Variants in VWF observed in about 807,000 individuals in gnomAD.
The protein encoded by VWF is Factor VIII related antigen.
A neutral mutation model predicts 308.6 loss-of-function variants in VWF; 176 were observed. The observed-to-expected ratio is 0.57, with a 90% CI of 0.50 to 0.65. The LOEUF is 0.65. Among genes scored for constraint, VWF ranks in the 30% least tolerant of loss-of-function variants. The pLI, the probability that VWF is intolerant of heterozygous loss-of-function variation, is 0.00. For missense variants in VWF, 3,146 were observed against 3,648.2 expected, an observed-to-expected ratio of 0.86 and a Z score of 3.55; for synonymous variants, 1,385 against 1,443.4, an observed-to-expected ratio of 0.96 and a Z score of 0.92.
chr12:5,952,542 A>T (rs1036753116), intron 48 of VWF, 23 bp from the exon 49 acceptor site: 102 of 1,611,532 alleles, frequency 6.3e-5, no homozygotes, highest in Non-Finnish European at 8.3e-5. Flanking sequence ...AGGAGTGGGT[A>T]AAGTCAGAGA....
chr12:6,009,426 AACACACACACACACACACAC>A (rs3062550), intron 34 of VWF, among the ~76,000 whole-genome samples: 9 of 146,528 alleles, frequency 6.1e-5, no homozygotes, highest in Admixed American at 5.4e-4. Context: ...GCCATTATCA[AACACACACACACACACACAC>A]ACACACACAC....
chr12:6,056,659 A>T (rs1482847580), intron 15 of VWF, among the ~76,000 whole-genome samples, 198 bp downstream of exon 15: 1 of 152,172 alleles, frequency 6.6e-6, no homozygotes, highest in Non-Finnish European at 1.5e-5. Context: ...CCGAATCATC[A>T]GCCGGTCCCC....
At chr12:5,964,258 A>ACATGCATG (rs1314931823) in intron 47 of VWF, among the ~76,000 whole-genome samples, 3 of 146,090 alleles carry the variant, frequency 2.1e-5, no homozygotes, top group African/African-American at 8.4e-5. Flanking sequence ...ATGCATACAT[A>ACATGCATG]CATACATACA....
At chr12:6,121,030 C>G (rs1945425503) in intron 3 of VWF, 144 bp downstream of exon 3, 1 of 1,166,398 alleles carries the variant, frequency 8.6e-7, no homozygotes, top group African/African-American at 1.5e-5. Flanking sequence ...GGCTACGTGT[C>G]ACAGAAAGGC....
At chr12:6,025,029 A>AC (rs1386142412) in intron 24 of VWF, among the ~76,000 whole-genome samples, 21 of 141,776 alleles carry the variant, frequency 1.5e-4, no homozygotes, top group African/African-American at 5.9e-4. Context: ...TCTCAAAAAA[A>AC]AAAAAAAAAG....
chr12:6,089,686 G>A (rs771423567), intron 6 of VWF, among the ~76,000 whole-genome samples: 2 of 152,088 alleles, frequency 1.3e-5, no homozygotes, highest in Non-Finnish European at 2.9e-5. Context: ...TTTGTATTCC[G>A]AGGGTAGGGA....
chr12:6,108,628 T>C (rs1945270581), intron 5 of VWF, among the ~76,000 whole-genome samples: 1 of 151,740 alleles, frequency 6.6e-6, no homozygotes, highest in Admixed American at 6.6e-5. Context: ...TACAATTTTT[T>C]AACTAGGCCA....
intron 7 of VWF, among the ~76,000 whole-genome samples, chr12:6,074,051 C>G (rs1484787079): frequency 1.3e-5 from 2 of 152,172 alleles, no homozygotes; most frequent in Non-Finnish European, 2.9e-5. Context: ...ACCTAAAACC[C>G]TTTCAGAGTG....
chr12:6,106,662 G>A (rs1945247637), intron 5 of VWF, among the ~76,000 whole-genome samples: 1 of 152,020 alleles, frequency 6.6e-6, no homozygotes, highest in South Asian at 2.1e-4. Flanking sequence ...ATCACCTGAG[G>A]TCAGGAGTTC....
At chr12:5,985,380 T>G (rs1341073874) in intron 39 of VWF, among the ~76,000 whole-genome samples, 183 bp downstream of exon 39, 1 of 152,162 alleles carries the variant, frequency 6.6e-6, no homozygotes, top group Non-Finnish European at 1.5e-5. Context: ...CGACCCCAGG[T>G]GCAGAATGGG....
At chr12:6,025,022 CA>C (rs34547698) in intron 24 of VWF, among the ~76,000 whole-genome samples, 81,990 of 119,494 alleles carry the variant, frequency 0.69, 24,802 homozygotes, top group East Asian at 0.8. Context: ...GACTCTGTCT[CA>C]AAAAAAAAAA....
chr12:6,029,535 C>G (rs747818805), intron 21 of VWF, 47 bp from the exon 22 acceptor site: 1 of 1,610,642 alleles, frequency 6.2e-7, no homozygotes, highest in Non-Finnish European at 8.5e-7. Flanking sequence ...AGGGCAGGCT[C>G]GACAGCCAGA....
chr12:6,068,864 G>A (rs12227091), intron 10 of VWF, among the ~76,000 whole-genome samples: 1 of 123,804 alleles, frequency 8.1e-6, no homozygotes, highest in Non-Finnish European at 1.7e-5. Flanking sequence ...GTGTGTGTGT[G>A]TGTATGTGTG....
At position 5,994,030 on chromosome 12, in the gene VWF, AGAG is replaced by A. The variant is rs769453980; in HGVS notation, c.6427_6429del (p.Leu2144del). On this transcript the variant is annotated inframe_deletion, in exon 37 of 52. Transcript: ENST00000261405. ...TTGTGGCATTCAGCAAACAGTGGTA[AGAG>A]GAGGACCTGGCAGTGGGAGCTGTCG... The A allele has an allele frequency of 6.2e-7, 1 of 1,614,230 alleles. No homozygotes were observed. The highest frequency in any genetic ancestry group is 1.1e-5 in the South Asian group (1 of 91,080).
In VWF at chr12:6,092,648, T is replaced by A. The variant is rs534348129; in HGVS notation, c.657+2812A>T. Among the ~76,000 whole-genome samples the A allele has an allele frequency of 2.6e-3, 313 of 119,532 alleles. 6 individuals carry two copies. The highest frequency in any genetic ancestry group is 0.015 in the Middle Eastern group (4 of 270). The allele number at this position is 119,532 out of a possible 152,430, so 78.4% of individuals were successfully genotyped here. A position where few individuals can be genotyped will look rare whatever the true frequency, so the allele number is the denominator to read the frequency against. ...GTGTGTGTGTGTGTGTGTGTGTGTG[T>A]GTGTGTGTGTGTGTGTGTGTGTGTG... is the stretch of plus-strand genomic sequence containing the variant. On this transcript the variant is annotated intron_variant, in intron 6 of 51. Transcript: ENST00000261405.
chr12:6,051,286 C>CTTTTTTTTT (rs55842185), intron 16 of VWF, among the ~76,000 whole-genome samples: 88 of 117,512 alleles, frequency 7.5e-4, no homozygotes, highest in African/African-American at 1.3e-3. Context: ...TTCTTTTTTT[C>CTTTTTTTTT]TTTTTTTTTT....
chr12:6,111,785 CTAAAA>C (rs1166816368), intron 3 of VWF, among the ~76,000 whole-genome samples: 1 of 151,772 alleles, frequency 6.6e-6, no homozygotes, highest in Non-Finnish European at 1.5e-5. Context: ...CCCGTCTCTA[CTAAAA>C]ATATGAAGAA....
chr12:6,055,209 C>A (rs2136452313), intron 15 of VWF, among the ~76,000 whole-genome samples: 1 of 152,254 alleles, frequency 6.6e-6, no homozygotes, highest in East Asian at 1.9e-4. Context: ...TTCAGTGGGC[C>A]CTTAGCATTC....
intron 34 of VWF, among the ~76,000 whole-genome samples, chr12:6,000,319 G>A (rs946743182): frequency 6.6e-6 from 1 of 152,168 alleles, no homozygotes; most frequent in Non-Finnish European, 1.5e-5. Context: ...AATTATATTG[G>A]TATCAGAATT....
Sources: gnomAD v4.1 joint callset for allele counts (sites outside exome capture counted in the v4.1 genomes callset) on GRCh38, gnomAD v4.1.1 for gene constraint, MANE v1.5 for transcripts, NCBI Gene and HGNC (gene_info 2026-07-23, HGNC 2026-07-21) for gene names.